Variants in FOXN3 observed in about 807,000 individuals in gnomAD.
FOXN3 encodes forkhead box protein N3.
FOXN3 carries 7 observed loss-of-function variants against 38.4 expected under a neutral mutation model. The observed-to-expected ratio is 0.18, with a 90% confidence interval of 0.10 to 0.34. The LOEUF (loss-of-function observed/expected upper bound fraction) is 0.34, where lower values mean the gene tolerates loss of function less well. FOXN3 is among the 10% of genes least tolerant of loss of function. FOXN3 has a pLI of 1.00. For missense variants in FOXN3, 456 were observed against 613.4 expected (o/e 0.74, Z 2.71); for synonymous variants, 230 against 242.2 (o/e 0.95, Z 0.47).
intron 5 of FOXN3, among the ~76,000 whole-genome samples, chr14:89,169,639 A>ACACACACACACACACACACAC (rs1887337397): frequency 6.6e-6 from 1 of 152,200 alleles, no homozygotes; most frequent in African/African-American, 2.4e-5. Context: ...AATTTAAAGC[A>ACACACACACACACACACACAC]TTCCCAGAGC....
intron 4 of FOXN3, among the ~76,000 whole-genome samples, chr14:89,260,059 C>A (rs552178899): frequency 2.6e-5 from 4 of 152,200 alleles, no homozygotes; most frequent in Admixed American, 1.3e-4. Context: ...TCTGCAGCCT[C>A]GTGTCGGGCA....
At chr14:89,428,321 G>C (rs1262443902) in intron 1 of FOXN3, among the ~76,000 whole-genome samples, 3 of 152,126 alleles carry the variant, frequency 2.0e-5, no homozygotes, top group African/African-American at 4.8e-5. Flanking sequence ...TTTCTGTTTT[G>C]AAATCCTCAC....
intron 1 of FOXN3, among the ~76,000 whole-genome samples, chr14:89,422,871 AG>A (rs1189523280): frequency 6.6e-6 from 1 of 152,214 alleles, no homozygotes; most frequent in African/African-American, 2.4e-5. Context: ...CTGAACTGGT[AG>A]GGTGAAGTTC....
intron 4 of FOXN3, among the ~76,000 whole-genome samples, chr14:89,184,354 A>G (rs1157585354): frequency 6.6e-6 from 1 of 152,232 alleles, no homozygotes; most frequent in Non-Finnish European, 1.5e-5. Context: ...TAACCCTAGC[A>G]TGGTTGTCAA....
chr14:89,602,869 T>C (rs1378163464), intron 1 of FOXN3, among the ~76,000 whole-genome samples: 2 of 152,204 alleles, frequency 1.3e-5, no homozygotes, highest in African/African-American at 4.8e-5. Flanking sequence ...ACTTAGATTA[T>C]ACAAACATAA....
chr14:89,306,518 C>A (rs891383367), intron 3 of FOXN3, among the ~76,000 whole-genome samples: 1 of 152,188 alleles, frequency 6.6e-6, no homozygotes, highest in African/African-American at 2.4e-5. Context: ...AGGCGCCCAC[C>A]ACCACGCCCG....
intron 1 of FOXN3, among the ~76,000 whole-genome samples, chr14:89,463,157 C>A (rs940480759): frequency 6.6e-6 from 1 of 151,414 alleles, no homozygotes; most frequent in Non-Finnish European, 1.5e-5. Flanking sequence ...GGCGTGGTGG[C>A]AGGCGCCTGT....
intron 5 of FOXN3, among the ~76,000 whole-genome samples, chr14:89,169,740 G>T (rs189903916): frequency 5.9e-4 from 89 of 151,938 alleles, no homozygotes; most frequent in African/African-American, 1.6e-3. Flanking sequence ...ACTAAATGAA[G>T]AAAAACAGAA....
In FOXN3 at chr14:89,413,019, A is replaced by G. The variant is rs1338918411; in HGVS notation, c.-14-529T>C. ...AAGACAGCAAATTCAATTCAATTCA[A>G]CAAAACATGCCATAGAATTCTATCC... On this transcript the variant is annotated intron_variant, in intron 1 of 5. Coordinates refer to ENST00000557258, the MANE Select transcript of FOXN3 (RefSeq NM_005197.4). 2.0e-5 allele frequency among the ~76,000 whole-genome samples: 3 copies of G among 152,168 alleles called. No homozygotes were observed. The East Asian group carries it at 5.8e-4, about 29-fold the overall frequency.
chr14:89,444,403 CA>C (rs1229533136), intron 1 of FOXN3, among the ~76,000 whole-genome samples: 1 of 150,926 alleles, frequency 6.6e-6, no homozygotes, highest in African/African-American at 2.4e-5. Context: ...TGGAGCCCAG[CA>C]AGTAAAATAT....
At chr14:89,169,202 A>C (rs1887322160) in intron 5 of FOXN3, among the ~76,000 whole-genome samples, 1 of 152,150 alleles carries the variant, frequency 6.6e-6, no homozygotes, top group African/African-American at 2.4e-5. Context: ...GCACTTTGGG[A>C]GGCTGAGGGA....
chr14:89,567,958 G>A (rs1047831562), intron 1 of FOXN3, among the ~76,000 whole-genome samples: 9 of 151,934 alleles, frequency 5.9e-5, no homozygotes, highest in Non-Finnish European at 1.3e-4. Flanking sequence ...TCCTGACCTC[G>A]TGATCCACCC....
chr14:89,520,904 C>T (rs1894304002), intron 1 of FOXN3, among the ~76,000 whole-genome samples: 1 of 152,132 alleles, frequency 6.6e-6, no homozygotes, highest in Admixed American at 6.5e-5. Context: ...TGATATTTTA[C>T]CACCAAAAAA....
At chr14:89,511,203 T>TTTTCTTTC (rs1288806061) in intron 1 of FOXN3, among the ~76,000 whole-genome samples, 7 of 15,010 alleles carry the variant, frequency 4.7e-4, no homozygotes, top group Admixed American at 1.7e-3. Flanking sequence ...TCTTTCTTTC[T>TTTTCTTTC]TTTCTTTCTT....
chr14:89,614,583 C>T (rs939510801), intron 1 of FOXN3, among the ~76,000 whole-genome samples: 3 of 152,204 alleles, frequency 2.0e-5, no homozygotes, highest in Non-Finnish European at 4.4e-5. Flanking sequence ...GGTTCCAGGG[C>T]TCTGCAAGCA....
intron 4 of FOXN3, among the ~76,000 whole-genome samples, chr14:89,204,431 C>A (rs1596101324): frequency 6.6e-6 from 1 of 152,100 alleles, no homozygotes; most frequent in Admixed American, 6.6e-5. Context: ...CAACACTTAG[C>A]CTTTTACTCT....
chr14:89,477,844 G>A (rs752953280), intron 1 of FOXN3, among the ~76,000 whole-genome samples: 5 of 151,888 alleles, frequency 3.3e-5, no homozygotes, highest in Non-Finnish European at 5.9e-5. Context: ...TATGGCAATC[G>A]TGATAATGTT....
chr14:89,156,870 A>C lies in FOXN3; in HGVS notation c.*5544T>G, dbSNP rs1886992850. On this transcript the variant is annotated 3_prime_UTR_variant, in exon 6 of 6. Coordinates refer to ENST00000557258, the MANE Select transcript of FOXN3 (RefSeq NM_005197.4). ...CATACTCAAGAAATGTTGCATGTTT[A>C]AATAACTGAGAGTGTGCTAAATCTC... 1 of 152,398 alleles carries C rather than the reference A, an allele frequency of 6.6e-6. No individual in the cohort carries two copies. Among genetic ancestry groups the C allele is most frequent in the South Asian group, 2.1e-4 (1 of 4,830 alleles). The allele number at this position is 152,398 out of a possible 1,614,324, so 9.4% of individuals were successfully genotyped here. A position where few individuals can be genotyped will look rare whatever the true frequency, so the allele number is the denominator to read the frequency against.
At chr14:89,585,174 T>C (rs1251905518) in intron 1 of FOXN3, among the ~76,000 whole-genome samples, 1 of 152,214 alleles carries the variant, frequency 6.6e-6, no homozygotes, top group Non-Finnish European at 1.5e-5. Flanking sequence ...ATTTTGCTGA[T>C]GCTGTTTCCT....
Sources: allele counts gnomAD v4.1 joint callset (sites outside exome capture counted in the v4.1 genomes callset), GRCh38; gene constraint gnomAD v4.1.1; transcripts MANE v1.5; gene names NCBI Gene and HGNC (gene_info 2026-07-23, HGNC 2026-07-21).